SLCO5A1: variants seen among roughly 807,000 people sequenced by gnomAD.
The protein encoded by SLCO5A1 is organic anion transporter polypeptide-related protein 4.
SLCO5A1 carries 39 observed loss-of-function variants against 65.1 expected under a neutral mutation model. The ratio of observed to expected loss-of-function variants is 0.60; its 90% confidence interval spans 0.46 to 0.78. SLCO5A1 has a LOEUF of 0.78. Among genes scored for constraint, SLCO5A1 ranks in the 30% least tolerant of loss-of-function variants. SLCO5A1 has a pLI of 0.00. For synonymous variants in SLCO5A1, 438 were observed against 415.7 expected (o/e 1.05, Z -0.65); for missense variants, 1,029 against 1,069.4 (o/e 0.96, Z 0.53).
intron 4 of SLCO5A1, among the ~76,000 whole-genome samples, chr8:69,739,907 G>A (rs1017138615): frequency 2.6e-5 from 4 of 152,094 alleles, no homozygotes; most frequent in African/African-American, 7.2e-5. Flanking sequence ...AAGTTTAGCA[G>A]CATATTAAAA....
At chr8:69,813,301 T>C (rs1258862882) in intron 2 of SLCO5A1, among the ~76,000 whole-genome samples, 2 of 152,254 alleles carry the variant, frequency 1.3e-5, no homozygotes, top group Non-Finnish European at 2.9e-5. Context: ...GTATTATTGC[T>C]AAGAATTCCC....
At chr8:69,804,033 C>T (rs1819875867) in intron 2 of SLCO5A1, among the ~76,000 whole-genome samples, 1 of 152,004 alleles carries the variant, frequency 6.6e-6, no homozygotes, top group South Asian at 2.1e-4. Flanking sequence ...GAAACAGCAG[C>T]CAAGAAAAAA....
chr8:69,722,124 A>G (rs1015430137), intron 5 of SLCO5A1, among the ~76,000 whole-genome samples: 2 of 152,120 alleles, frequency 1.3e-5, no homozygotes, highest in African/African-American at 4.8e-5. Flanking sequence ...GTGAGCTGAG[A>G]TCTACCACTG....
intron 5 of SLCO5A1, among the ~76,000 whole-genome samples, chr8:69,719,011 TA>T (rs1815696606): frequency 6.6e-6 from 1 of 152,060 alleles, no homozygotes; most frequent in Non-Finnish European, 1.5e-5. Context: ...AACACAGCAT[TA>T]GGGGGATTAA....
intron 2 of SLCO5A1, among the ~76,000 whole-genome samples, chr8:69,802,521 A>G (rs1167439727): frequency 1.9e-5 from 1 of 51,330 alleles, no homozygotes; most frequent in Non-Finnish European, 4.6e-5. Flanking sequence ...AAAAAACACT[A>G]AAAAAAAAAA....
At chr8:69,691,191 T>C (rs1402350055) in intron 6 of SLCO5A1, among the ~76,000 whole-genome samples, 1 of 152,106 alleles carries the variant, frequency 6.6e-6, no homozygotes, top group Non-Finnish European at 1.5e-5. Context: ...GCAAAACACA[T>C]TTCTTAATTA....
chr8:69,675,333 C>A (rs1162439446), intron 9 of SLCO5A1, among the ~76,000 whole-genome samples: 1 of 151,786 alleles, frequency 6.6e-6, no homozygotes, highest in Non-Finnish European at 1.5e-5. Flanking sequence ...CACCACCACA[C>A]CCAGCTAATT....
intron 2 of SLCO5A1, among the ~76,000 whole-genome samples, chr8:69,786,416 A>G (rs1819042274): frequency 6.6e-6 from 1 of 152,226 alleles, no homozygotes; most frequent in African/African-American, 2.4e-5. Context: ...GAGGGACAAA[A>G]AAACTAATAC....
At chr8:69,678,077 C>T (rs902157884) in intron 8 of SLCO5A1, among the ~76,000 whole-genome samples, 1 of 152,116 alleles carries the variant, frequency 6.6e-6, no homozygotes, top group Admixed American at 6.5e-5. Flanking sequence ...CGTGGCAGGC[C>T]TCCATAACAA....
At chr8:69,758,680 C>A (rs1817630217) in intron 3 of SLCO5A1, among the ~76,000 whole-genome samples, 1 of 152,046 alleles carries the variant, frequency 6.6e-6, no homozygotes, top group Non-Finnish European at 1.5e-5. Context: ...GCAGAGCAAA[C>A]CAACTCACAT....
Position 69,705,130 on chromosome 8 carries a change from A to G in SLCO5A1, c.1523T>C (p.Met508Thr). ...TAGTAAAGACACACCACTGCAGATCATTGCTAGTTTTGCAGATTCTCTGGC... is the reference window on the plus strand; with the variant it reads ...TAGTAAAGACACACCACTGCAGATCGTTGCTAGTTTTGCAGATTCTCTGGC... ...LGARESAKLA[M>T]ICSGVSLLCF... The change falls in exon 6 of 10, where the codon ATG becomes ACG. Residue 508 changes from methionine (M) to threonine (T), a missense_variant. Met to Thr is a moderately conservative substitution (Grantham distance 81). This residue lies in a region of SLCO5A1 where 647 missense variants were observed against 647.5 expected (regional missense o/e 1.00). Coordinates refer to ENST00000260126, the MANE Select transcript of SLCO5A1 (RefSeq NM_030958.3). The G allele has an allele frequency of 6.2e-7, 1 of 1,614,198 alleles. No individual in the cohort carries two copies. The highest frequency in any genetic ancestry group is 8.5e-7 in the Non-Finnish European group (1 of 1,180,020).
Position 69,750,045 on chromosome 8 carries a change from A to G in SLCO5A1, c.1258+5379T>C, listed in dbSNP as rs563581278. ...TCTCTGGCACGTTTGAGGACCAACA[A>G]TGAGCCCAGTGGGGCTGAAGCAGAA... is the stretch of plus-strand genomic sequence containing the variant. On this transcript the variant is annotated intron_variant, in intron 4 of 9. Coordinates refer to ENST00000260126, the MANE Select transcript of SLCO5A1 (RefSeq NM_030958.3). Among the ~76,000 whole-genome samples the G allele has an allele frequency of 7.2e-5, 11 of 152,312 alleles. No homozygotes were observed. In the South Asian group the frequency reaches 1.7e-3, roughly 23 times the overall value.
chr8:69,744,617 T>TG (rs1380685479), intron 4 of SLCO5A1, among the ~76,000 whole-genome samples: 1 of 152,216 alleles, frequency 6.6e-6, no homozygotes, highest in Non-Finnish European at 1.5e-5. Context: ...TGCAGGACCT[T>TG]GGGGTATCTG....
At chr8:69,816,852 C>A (rs1820432785) in intron 2 of SLCO5A1, among the ~76,000 whole-genome samples, 1 of 152,154 alleles carries the variant, frequency 6.6e-6, no homozygotes, top group Non-Finnish European at 1.5e-5. Flanking sequence ...TTAACATGTG[C>A]TAGAATGCTG....
intron 6 of SLCO5A1, among the ~76,000 whole-genome samples, chr8:69,687,815 G>C (rs566078910): frequency 6.6e-6 from 1 of 151,254 alleles, no homozygotes; most frequent in East Asian, 1.9e-4. Flanking sequence ...ATATTGTTAT[G>C]TTAATATGTT....
intron 5 of SLCO5A1, among the ~76,000 whole-genome samples, chr8:69,716,590 C>T (rs946147946): frequency 1.3e-5 from 2 of 152,178 alleles, no homozygotes; most frequent in African/African-American, 4.8e-5. Context: ...AGCATCTTTC[C>T]ATGTGCTTAT....
At chr8:69,788,885 G>A (rs1357967559) in intron 2 of SLCO5A1, among the ~76,000 whole-genome samples, 1 of 152,144 alleles carries the variant, frequency 6.6e-6, no homozygotes, top group African/African-American at 2.4e-5. Flanking sequence ...TATTGCAAAT[G>A]TCTTAGGTTG....
intron 8 of SLCO5A1, 120 bp from the exon 9 acceptor site, chr8:69,676,793 T>G: frequency 1.4e-6 from 1 of 704,448 alleles, no homozygotes; most frequent in Non-Finnish European, 2.4e-6. Context: ...AATATTTAAT[T>G]CACTATTATT....
intron 2 of SLCO5A1, among the ~76,000 whole-genome samples, chr8:69,821,346 G>A (rs1462563156): frequency 6.6e-6 from 1 of 151,834 alleles, no homozygotes; most frequent in African/African-American, 2.4e-5. Flanking sequence ...GTGAAAGAGT[G>A]AGACTCCGTC....
Sources: gnomAD v4.1 joint callset for allele counts (sites outside exome capture counted in the v4.1 genomes callset) on GRCh38, gnomAD v4.1.1 for gene constraint, gnomAD v4.1.1 regional missense constraint, MANE v1.5 for transcripts, NCBI Gene and HGNC (gene_info 2026-07-23, HGNC 2026-07-21) for gene names.